HEATR1: variants seen among roughly 807,000 people sequenced by gnomAD.
HEATR1 encodes the protein HEAT repeat containing 1.
Under a neutral mutation model 248.2 loss-of-function variants are expected in HEATR1, and 77 were observed. The observed-to-expected ratio is 0.31, with a 90% CI of 0.26 to 0.37. The LOEUF is 0.37. HEATR1 is among the 10% of genes least tolerant of loss of function. HEATR1 has a pLI of 1.00. For synonymous variants in HEATR1, 897 were observed against 923.1 expected (o/e 0.97, Z 0.51); for missense variants, 2,420 against 2,504.9 (o/e 0.97, Z 0.72).
At chr1:236,571,531 A>G (rs1663426377) in intron 27 of HEATR1, 37 bp downstream of exon 27, 9 of 1,613,392 alleles carry the variant, frequency 5.6e-6, no homozygotes, top group South Asian at 2.2e-5. Flanking sequence ...CTCAAAGTAG[A>G]TAATTTTTCT....
intron 16 of HEATR1, 131 bp downstream of exon 16, chr1:236,585,689 G>A (rs1277117050): frequency 8.2e-6 from 6 of 731,058 alleles, no homozygotes; most frequent in Middle Eastern, 4.0e-4. Context: ...ACACTGCAAC[G>A]TTTAAAGTAA....
intron 41 of HEATR1, 119 bp from the exon 42 acceptor site, chr1:236,554,871 A>G: frequency 1.1e-6 from 1 of 888,800 alleles, no homozygotes; most frequent in Non-Finnish European, 1.7e-6. Context: ...ATGATCTAGA[A>G]ATCATAATCA....
chr1:236,572,266 C>T, intron 26 of HEATR1, 145 bp downstream of exon 26: 1 of 983,022 alleles, frequency 1.0e-6, no homozygotes. Flanking sequence ...ATACCTAAAA[C>T]CAATCTTTTA....
intron 20 of HEATR1, among the ~76,000 whole-genome samples, chr1:236,580,780 G>A (rs993504597): frequency 4.0e-5 from 6 of 150,624 alleles, no homozygotes; most frequent in African/African-American, 1.5e-4. Flanking sequence ...GCCTCCCAAA[G>A]TGCTGAGACT....
chr1:236,572,358 T>C, intron 26 of HEATR1, 53 bp downstream of exon 26: 1 of 1,561,152 alleles, frequency 6.4e-7, no homozygotes. Flanking sequence ...TTAGATAAGA[T>C]GGGCAAGAAT....
In HEATR1 at chr1:236,549,033, AAAGT is replaced by A; in HGVS notation, c.*1865_*1868del. The A allele has an allele frequency of 2.5e-6, 1 of 398,646 alleles. No homozygotes were observed. Among genetic ancestry groups the A allele is most frequent in the Non-Finnish European group, 4.4e-6 (1 of 226,050 alleles). The allele number at this position is 398,646 out of a possible 1,614,324, so 24.7% of individuals were successfully genotyped here. A position where few individuals can be genotyped will look rare whatever the true frequency, so the allele number is the denominator to read the frequency against. On this transcript the variant is annotated 3_prime_UTR_variant, in exon 45 of 45. Coordinates refer to ENST00000366582, the MANE Select transcript of HEATR1 (RefSeq NM_018072.6). Reference sequence around the variant, plus strand: ...AATTTGAAAGATATTTATGGGCAACAAAGTAAGGTCAGGATTAGACTTCAGGCAT... The same window carrying A: ...AATTTGAAAGATATTTATGGGCAACAAAGGTCAGGATTAGACTTCAGGCAT...
Position 236,559,740 on chromosome 1 carries a change from T to C in HEATR1, c.4744A>G (p.Ser1582Gly), listed in dbSNP as rs746403332. 6.2e-7 allele frequency: 1 copy of C among 1,613,982 alleles called. No homozygotes were observed. The highest frequency in any genetic ancestry group is 8.5e-7 in the Non-Finnish European group (1 of 1,179,876). Residue 1582 changes from serine (S) to glycine (G), a missense_variant, in exon 34 of 45, where the codon AGT becomes GGT. Coordinates refer to ENST00000366582, the MANE Select transcript of HEATR1 (RefSeq NM_018072.6). ...LTVKFWRALL[S>G]KAYDLLDKVN... ...TTATCTAACAGGTCGTAAGCTTTAC[T>C]AAGGAGCGCGCGCCAGAACTTCACG...
intron 29 of HEATR1, 122 bp from the exon 30 acceptor site, chr1:236,566,998 T>G (rs1663290044): frequency 1.1e-5 from 7 of 658,418 alleles, no homozygotes; most frequent in Admixed American, 2.8e-5. Flanking sequence ...TTTTATTTAT[T>G]TTTTTAGAGA....
chr1:236,566,625 C>G (rs980953980), intron 30 of HEATR1, 21 bp downstream of exon 30: 10 of 1,551,312 alleles, frequency 6.4e-6, no homozygotes, highest in Non-Finnish European at 8.0e-6. Flanking sequence ...TTTTCCTTAT[C>G]TTCCCACCCT....
At chr1:236,565,411 C>T (rs1162563990) in intron 31 of HEATR1, among the ~76,000 whole-genome samples, 2 of 152,174 alleles carry the variant, frequency 1.3e-5, no homozygotes, top group Admixed American at 6.5e-5. Flanking sequence ...GTCTCATTCT[C>T]CTGGGTAGCT....
intron 19 of HEATR1, among the ~76,000 whole-genome samples, chr1:236,581,904 T>C (rs1010830001): frequency 6.6e-6 from 1 of 152,202 alleles, no homozygotes; most frequent in Admixed American, 6.5e-5. Flanking sequence ...GACTGGGCTG[T>C]TGTTATTTTT....
chr1:236,554,141 C>T (rs150707669), intron 42 of HEATR1, among the ~76,000 whole-genome samples: 2,080 of 152,296 alleles, frequency 0.014, 44 homozygotes, highest in African/African-American at 0.047. Context: ...CCTGTAATCC[C>T]AGCAGTTTGG....
rs776267298 is a variant in HEATR1, at chr1:236,592,614, T to G, written c.1213A>C (p.Ile405Leu). The G allele has an allele frequency of 7.0e-7, 1 of 1,424,630 alleles. No homozygotes were observed. Among genetic ancestry groups the G allele is most frequent in the South Asian group, 1.2e-5 (1 of 82,452 alleles). The allele number at this position is 1,424,630 out of a possible 1,614,324, so 88.2% of individuals were successfully genotyped here. A position where few individuals can be genotyped will look rare whatever the true frequency, so the allele number is the denominator to read the frequency against. The change falls in exon 10 of 45, where the codon ATT becomes CTT. Residue 405 changes from isoleucine (I) to leucine (L), a missense_variant. By Grantham distance (5) the Ile-to-Leu change is conservative (BLOSUM62 2). Coordinates refer to ENST00000366582, the MANE Select transcript of HEATR1 (RefSeq NM_018072.6). Reference protein sequence around the residue: ...LLASLLFEEYISYSSQEEMDS... With the variant: ...LLASLLFEEYLSYSSQEEMDS... The stretch of plus-strand genomic sequence containing the variant: ...ATTTCTTCCTGTGAACTATATGAAA[T>G]ATACTCTTCAAATAGAAGGCTGTAA...
intron 14 of HEATR1, 100 bp downstream of exon 14, chr1:236,587,302 T>C (rs1663920124): frequency 2.1e-6 from 1 of 473,202 alleles, no homozygotes; most frequent in Non-Finnish European, 3.7e-6. Context: ...AAAAGGGTCA[T>C]GTAATCAAAG....
intron 11 of HEATR1, among the ~76,000 whole-genome samples, chr1:236,591,206 T>C (rs1193482424): frequency 1.3e-5 from 2 of 152,238 alleles, no homozygotes; most frequent in African/African-American, 2.4e-5. Flanking sequence ...TTTAGTCAAG[T>C]AATTCTACAA....
intron 17 of HEATR1, among the ~76,000 whole-genome samples, chr1:236,584,431 T>C (rs961267017): frequency 4.6e-5 from 7 of 152,200 alleles, no homozygotes; most frequent in African/African-American, 2.4e-5. Flanking sequence ...AAAGATATAA[T>C]TCATTTAGTA....
In HEATR1 at chr1:236,564,570, T is replaced by G. The variant is rs1294028344; in HGVS notation, c.4527A>C (p.Gln1509His). ...CTGACAAAAATTTAAAATGCCGCAGTTGCTTGCTAGTGTGAGTCTCTACAT... is the reference window on the plus strand; with the variant it reads ...CTGACAAAAATTTAAAATGCCGCAGGTGCTTGCTAGTGTGAGTCTCTACAT... ...VFNVETHTSK[Q>H]LRHFKFLSVS... is the part of the protein sequence containing the mutation. Residue 1509 changes from glutamine to histidine, a missense_variant, in exon 32 of 45, where the codon CAA becomes CAC. Coordinates refer to ENST00000366582, the MANE Select transcript of HEATR1 (RefSeq NM_018072.6). 6.2e-7 allele frequency: 1 copy of G among 1,614,022 alleles called. No homozygotes were observed. The highest frequency in any genetic ancestry group is 8.5e-7 in the Non-Finnish European group (1 of 1,179,996).
Position 236,581,314 on chromosome 1 carries a change from ACT to A in HEATR1, c.2661_2662del (p.Val888AlafsTer21). The A allele has an allele frequency of 6.2e-7, 1 of 1,613,444 alleles. No individual in the cohort carries two copies. Among genetic ancestry groups the A allele is most frequent in the Non-Finnish European group, 8.5e-7 (1 of 1,179,732 alleles). ...CACATAAAGAGCTTGAGTCTGCAGCACTGTTTTCACACTGCAGTTTAGTGGAT... is the reference window on the plus strand; with the variant it reads ...CACATAAAGAGCTTGAGTCTGCAGCAGTTTTCACACTGCAGTTTAGTGGAT... On this transcript the variant is annotated frameshift_variant, in exon 20 of 45. Coordinates refer to ENST00000366582, the MANE Select transcript of HEATR1 (RefSeq NM_018072.6). LOFTEE classifies it high-confidence loss of function.
rs765149081 is a variant in HEATR1 at position 236,590,908 on chromosome 1, G to A, written c.1469C>T (p.Pro490Leu). 6.6e-6 allele frequency: 10 copies of A among 1,519,256 alleles called. No individual in the cohort carries two copies. Among genetic ancestry groups the A allele is most frequent in the Non-Finnish European group, 8.0e-6 (9 of 1,124,052 alleles). 94.1% of individuals were successfully genotyped at this position (1,519,256 alleles called of 1,614,324 possible). Residue 490 changes from proline to leucine, a missense_variant, in exon 12 of 45, where the codon CCA (proline) becomes CTA (leucine). Coordinates refer to ENST00000366582, the MANE Select transcript of HEATR1 (RefSeq NM_018072.6). ...GGCCAGAATTCTCACAGGAGCAAGT[G>A]GATGATTCAGGCTGAGCATCAAAGA... ...DTSLMLSLNHPLAPVRILAMN... is the reference protein window; with the variant it reads ...DTSLMLSLNHLLAPVRILAMN...
Sources: allele counts gnomAD v4.1 joint callset (sites outside exome capture counted in the v4.1 genomes callset), GRCh38; gene constraint gnomAD v4.1.1; transcripts MANE v1.5; gene names NCBI Gene and HGNC (gene_info 2026-07-23, HGNC 2026-07-21).